The following TANC2 variants were observed in gnomAD, a reference collection of about 807,000 sequenced individuals.
TANC2 encodes protein TANC2.
TANC2 carries 26 observed loss-of-function variants against 210.5 expected under a neutral mutation model. The observed-to-expected ratio is 0.12, with a 90% confidence interval of 0.09 to 0.17. TANC2 has a LOEUF of 0.17. Among genes scored for constraint, TANC2 ranks in the 10% least tolerant of loss-of-function variants. TANC2 has a pLI of 1.00. For synonymous variants in TANC2, 931 were observed against 967.1 expected (o/e 0.96, Z 0.69); for missense variants, 2,129 against 2,608.9 (o/e 0.82, Z 4.01).
At chr17:63,034,384 A>G (rs2034892332) in intron 2 of TANC2, among the ~76,000 whole-genome samples, 1 of 152,192 alleles carries the variant, frequency 6.6e-6, no homozygotes, top group Non-Finnish European at 1.5e-5. Context: ...CACCGTTGAG[A>G]TCTACTGCAC....
intron 8 of TANC2, among the ~76,000 whole-genome samples, chr17:63,258,905 C>T (rs1355074000): frequency 2.0e-5 from 3 of 152,132 alleles, no homozygotes; most frequent in Non-Finnish European, 4.4e-5. Flanking sequence ...AGCAGGAGTC[C>T]TCCCTCAAAA....
chr17:63,169,148 C>T (rs746480972), intron 5 of TANC2, among the ~76,000 whole-genome samples: 17 of 152,206 alleles, frequency 1.1e-4, no homozygotes, highest in Non-Finnish European at 1.9e-4. Context: ...ATCTCCACCA[C>T]TCATCCTCCC....
chr17:63,178,759 C>T (rs556232451), intron 5 of TANC2, among the ~76,000 whole-genome samples: 2 of 152,290 alleles, frequency 1.3e-5, no homozygotes, highest in East Asian at 3.9e-4. Flanking sequence ...ATCTGATGTG[C>T]AAATGCTAAA....
At chr17:63,098,475 C>T (rs1271676847) in intron 3 of TANC2, among the ~76,000 whole-genome samples, 35 of 34,570 alleles carry the variant, frequency 1.0e-3, no homozygotes, top group Admixed American at 1.8e-3. Context: ...CACACACACA[C>T]ACACATACAC....
chr17:63,275,455 A>G (rs1190823572), intron 9 of TANC2, among the ~76,000 whole-genome samples: 1 of 152,128 alleles, frequency 6.6e-6, no homozygotes, highest in Non-Finnish European at 1.5e-5. Flanking sequence ...TGTGCTTCAC[A>G]CCATTTATGA....
At chr17:63,355,851 T>A (rs2046766102) in intron 14 of TANC2, among the ~76,000 whole-genome samples, 1 of 152,216 alleles carries the variant, frequency 6.6e-6, no homozygotes, top group South Asian at 2.1e-4. Flanking sequence ...GTCCAGCCAA[T>A]GCTAAGCTTT....
At chr17:63,379,875 C>T in intron 15 of TANC2, 49 bp downstream of exon 15, 1 of 1,465,978 alleles carries the variant, frequency 6.8e-7, no homozygotes, top group Non-Finnish European at 9.5e-7. Flanking sequence ...AGCAGACTTT[C>T]ATATGCTTTA....
intron 2 of TANC2, among the ~76,000 whole-genome samples, chr17:63,020,666 A>C (rs2034308492): frequency 6.6e-6 from 1 of 152,232 alleles, no homozygotes. Flanking sequence ...AAGTCAGTTC[A>C]TCTGTAAATA....
exon 28 of TANC2, chr17:63,425,463 T>A (rs918121226): frequency 6.6e-6 from 1 of 152,166 alleles, no homozygotes; most frequent in Non-Finnish European, 1.5e-5. Context: ...ATAGAAAAAA[T>A]TAAAAATTAA....
intron 4 of TANC2, among the ~76,000 whole-genome samples, chr17:63,102,593 G>T (rs1033492957): frequency 6.6e-6 from 1 of 151,788 alleles, no homozygotes; most frequent in African/African-American, 2.4e-5. Context: ...TTTACATTAG[G>T]TATATTTCCT....
chr17:63,240,061 G>T (rs1018281170), intron 8 of TANC2, among the ~76,000 whole-genome samples: 5 of 152,150 alleles, frequency 3.3e-5, no homozygotes, highest in African/African-American at 7.2e-5. Flanking sequence ...TGAGATTTGG[G>T]CAGGGACACA....
chr17:63,399,151 C>G (rs2048262754), intron 19 of TANC2: 1 of 283,690 alleles, frequency 3.5e-6, no homozygotes, highest in Admixed American at 5.2e-5. Context: ...CTTTTTCCCT[C>G]TCTTGTTTCC....
intron 2 of TANC2, among the ~76,000 whole-genome samples, chr17:63,071,691 A>G (rs1477361423): frequency 6.6e-6 from 1 of 152,096 alleles, no homozygotes; most frequent in Non-Finnish European, 1.5e-5. Flanking sequence ...TTTTGATTTT[A>G]TATTGGAAGC....
chr17:63,372,165 G>T (rs952144076), intron 14 of TANC2, among the ~76,000 whole-genome samples: 7 of 152,090 alleles, frequency 4.6e-5, no homozygotes, highest in African/African-American at 1.7e-4. Context: ...AAAACCTCTG[G>T]TCTACATGAG....
At chr17:63,274,294 G>A (rs901614358) in intron 9 of TANC2, among the ~76,000 whole-genome samples, 1 of 151,834 alleles carries the variant, frequency 6.6e-6, no homozygotes, top group African/African-American at 2.4e-5. Flanking sequence ...CCGGCCCAAC[G>A]GGGGAGAGGT....
In TANC2 at chr17:63,363,038, T is replaced by C. The variant is rs535925720; in HGVS notation, c.2582+7648T>C. Reference sequence around the variant, plus strand: ...CCACATCCTTCTCAGCATTTGTTAATTGCCTGTCTTTTGGATAAAAGCCAT... The same window carrying C: ...CCACATCCTTCTCAGCATTTGTTAACTGCCTGTCTTTTGGATAAAAGCCAT... On this transcript the variant is annotated intron_variant, in intron 14 of 27. Coordinates refer to ENST00000689528, the Ensembl canonical transcript of TANC2. Among the ~76,000 whole-genome samples, 92 of 152,354 alleles carry C rather than the reference T, an allele frequency of 6.0e-4. 1 individual carries two copies. The highest frequency in any genetic ancestry group is 2.2e-3 in the African/African-American group (91 of 41,582).
At chr17:63,323,813 T>C (rs2045566347) in intron 11 of TANC2, among the ~76,000 whole-genome samples, 1 of 152,210 alleles carries the variant, frequency 6.6e-6, no homozygotes, top group Non-Finnish European at 1.5e-5. Context: ...TCAGAGTCAG[T>C]ATCCTCCCCT....
chr17:63,235,718 T>A (rs2042601940), intron 7 of TANC2, among the ~76,000 whole-genome samples: 1 of 152,040 alleles, frequency 6.6e-6, no homozygotes, highest in African/African-American at 2.4e-5. Flanking sequence ...GGAAATTACC[T>A]CATGAGCTTA....
intron 5 of TANC2, among the ~76,000 whole-genome samples, chr17:63,185,244 C>T (rs2040940620): frequency 1.3e-5 from 2 of 152,128 alleles, no homozygotes; most frequent in African/African-American, 2.4e-5. Flanking sequence ...GCATGTACCA[C>T]CACACCCGGC....
Sources: allele counts gnomAD v4.1 joint callset (sites outside exome capture counted in the v4.1 genomes callset), GRCh38; gene constraint gnomAD v4.1.1; transcripts MANE v1.5; gene names NCBI Gene and HGNC (gene_info 2026-07-23, HGNC 2026-07-21).